Variants in ARHGAP8 observed in about 807,000 individuals in gnomAD.
ARHGAP8 encodes Rho GTPase activating protein 8, also known as rho GTPase-activating protein 8.
ARHGAP8 carries 62 observed loss-of-function variants against 46.1 expected under a neutral mutation model. That is an observed-to-expected ratio of 1.34 (90% confidence interval 1.10 to 1.66). The LOEUF is 1.66. ARHGAP8 is among the 40% of genes most tolerant of loss of function. The pLI is 0.00. For missense variants in ARHGAP8, 923 were observed against 568.4 expected, an observed-to-expected ratio of 1.62 and a Z score of -6.34; for synonymous variants, 375 against 243.1, an observed-to-expected ratio of 1.54 and a Z score of -5.05.
chr22:44,832,918 G>A (rs1931043073), intron 7 of ARHGAP8, among the ~76,000 whole-genome samples: 2 of 151,672 alleles, frequency 1.3e-5, no homozygotes. Context: ...CTTGAGGCCG[G>A]GAGTTCAAGA....
At chr22:44,796,638 TATG>T (rs1602188109) in intron 2 of ARHGAP8, among the ~76,000 whole-genome samples, 5 of 152,080 alleles carry the variant, frequency 3.3e-5, no homozygotes, top group African/African-American at 1.2e-4. Context: ...TTGGTGATGC[TATG>T]ATGATGGGCC....
chr22:44,769,683 C>T (rs766641734), intron 1 of ARHGAP8, among the ~76,000 whole-genome samples: 2 of 152,062 alleles, frequency 1.3e-5, no homozygotes, highest in Non-Finnish European at 2.9e-5. Context: ...CTTTTGTTCT[C>T]TCTCTCAGTA....
Position 44,862,551 on chromosome 22 carries a change from A to T in ARHGAP8, c.1258A>T (p.Thr420Ser). The change falls in exon 12 of 12, where the codon ACC becomes TCC. Residue 420 changes from threonine to serine, a missense_variant. Transcript: ENST00000356099. ...ACAAGCCACGGGCCTCACCAAGCCT[A>T]CCCTACCTCCGAGTCCCCTGATGGC... is the stretch of plus-strand genomic sequence containing the variant. ...RTQATGLTKPTLPPSPLMAAR... is the reference protein window; with the variant it reads ...RTQATGLTKPSLPPSPLMAAR... 6.2e-7 allele frequency: 1 copy of T among 1,601,108 alleles called. No individual in the cohort carries two copies. The highest frequency in any genetic ancestry group is 8.5e-7 in the Non-Finnish European group (1 of 1,170,064).
rs779829700 is a variant in ARHGAP8, at chr22:44,802,097, C to G, written c.100C>G (p.Arg34Gly). The change falls in exon 3 of 12, where the codon CGT becomes GGT. Residue 34 changes from arginine (R) to glycine (G), a missense_variant. Coordinates refer to ENST00000356099, the MANE Select transcript of ARHGAP8 (RefSeq NM_181335.3). ...TCCAGGGGATGACCGCTTTGGAAGA[C>G]GTGTTGTCACGTTCAGCTGCTGCCG... ...QVAGDDRFGR[R>G]VVTFSCCRMP... 1 of 1,614,158 alleles carries G rather than the reference C, an allele frequency of 6.2e-7. No homozygotes were observed. Among genetic ancestry groups the G allele is most frequent in the South Asian group, 1.1e-5 (1 of 91,082 alleles).
chr22:44,860,904 A>C (rs1388615421), intron 11 of ARHGAP8, among the ~76,000 whole-genome samples: 1 of 152,118 alleles, frequency 6.6e-6, no homozygotes, highest in Non-Finnish European at 1.5e-5. Flanking sequence ...GTCACATCCC[A>C]GAGTCTGTTG....
intron 2 of ARHGAP8, among the ~76,000 whole-genome samples, chr22:44,791,259 G>C (rs1028412484): frequency 1.3e-5 from 2 of 152,176 alleles, no homozygotes; most frequent in African/African-American, 4.8e-5. Context: ...GCTGGGGTGT[G>C]TGCTCCTCCC....
chr22:44,838,383 A>G (rs1185470545), intron 7 of ARHGAP8, among the ~76,000 whole-genome samples: 2 of 152,060 alleles, frequency 1.3e-5, no homozygotes, highest in African/African-American at 2.4e-5. Context: ...TGATCTGCCC[A>G]TGTCTGCCTC....
At chr22:44,787,047 A>AAAAAAAAAAAAAAAAC (rs796358176) in intron 2 of ARHGAP8, among the ~76,000 whole-genome samples, 13 of 145,548 alleles carry the variant, frequency 8.9e-5, no homozygotes, top group South Asian at 2.2e-4. Context: ...CAAAAAAAAA[A>AAAAAAAAAAAAAAAAC]AAAAGAAAGA....
chr22:44,794,469 G>C (rs1040883389), intron 2 of ARHGAP8, among the ~76,000 whole-genome samples: 45 of 152,030 alleles, frequency 3.0e-4, no homozygotes, highest in African/African-American at 1.0e-3. Context: ...CCAGCACTTT[G>C]GGAGGCCGAG....
intron 7 of ARHGAP8, among the ~76,000 whole-genome samples, chr22:44,833,428 C>T (rs1347264476): frequency 6.6e-6 from 1 of 152,092 alleles, no homozygotes. Flanking sequence ...GAGATAATCA[C>T]ATGGCTTTTG....
intron 6 of ARHGAP8, among the ~76,000 whole-genome samples, chr22:44,824,833 A>G (rs1337909768): frequency 6.6e-6 from 1 of 151,634 alleles, no homozygotes. Context: ...GGGTTTCATC[A>G]TGTTGGCCGG....
intron 10 of ARHGAP8, among the ~76,000 whole-genome samples, chr22:44,857,320 C>G (rs1160104778): frequency 6.6e-6 from 1 of 152,156 alleles, no homozygotes; most frequent in Non-Finnish European, 1.5e-5. Flanking sequence ...GTGAGGTGTT[C>G]CAGCCAAGGG....
In ARHGAP8 at chr22:44,833,059, C is replaced by G. The variant is rs183140543; in HGVS notation, c.596+7466C>G. Among the ~76,000 whole-genome samples the G allele has an allele frequency of 2.7e-5, 4 of 150,070 alleles. No homozygotes were observed. The East Asian group carries it at 5.8e-4, about 22-fold the overall frequency. ...TGTGCATTTCATAGATGCCCTTTAT[C>G]AGGTTAAGAACCATCTTTTTTCTTT... On this transcript the variant is annotated intron_variant, in intron 7 of 11. Transcript: ENST00000356099.
chr22:44,809,076 C>T lies in ARHGAP8; in HGVS notation c.299+638C>T, dbSNP rs1028943894. On this transcript the variant is annotated intron_variant, in intron 4 of 11. Transcript: ENST00000356099. ...GCTCAAGCGATCCTCCCACCTCAGCCTCCCAAAGTACTGGGATTACAGGCA... is the reference window on the plus strand; with the variant it reads ...GCTCAAGCGATCCTCCCACCTCAGCTTCCCAAAGTACTGGGATTACAGGCA... 2.4e-5 allele frequency: 11 copies of T among 467,148 alleles called. No homozygotes were observed. In the Admixed American group the frequency reaches 2.6e-4, roughly 11 times the overall value. 28.9% of individuals were successfully genotyped at this position (467,148 alleles called of 1,614,324 possible).
chr22:44,772,056 A>C (rs1158962524), intron 1 of ARHGAP8, among the ~76,000 whole-genome samples: 1 of 151,950 alleles, frequency 6.6e-6, no homozygotes, highest in Non-Finnish European at 1.5e-5. Flanking sequence ...GTTGCTCTCT[A>C]CATGGTTTAA....
chr22:44,860,499 T>C (rs1236217454), intron 11 of ARHGAP8, among the ~76,000 whole-genome samples: 1 of 151,830 alleles, frequency 6.6e-6, no homozygotes, highest in Non-Finnish European at 1.5e-5. Flanking sequence ...CATATGTCAC[T>C]GGGTTTAGGA....
At chr22:44,847,617 C>T (rs1333671342) in intron 8 of ARHGAP8, among the ~76,000 whole-genome samples, 1 of 152,228 alleles carries the variant, frequency 6.6e-6, no homozygotes, top group African/African-American at 2.4e-5. Flanking sequence ...ATCACCGTGT[C>T]CAGTCCTCTC....
rs141932857 is a variant in ARHGAP8 at position 44,760,240 on chromosome 22, C to T, written c.-72+7613C>T. On this transcript the variant is annotated intron_variant, in intron 1 of 11. Transcript: ENST00000356099. ...ACTGGGTAGTGAGGGTCTGTATTAA[C>T]GAATTCATGCATAGCTGAGACAAAA... Among the ~76,000 whole-genome samples, 1,139 of 152,248 alleles carry T rather than the reference C, an allele frequency of 7.5e-3. 10 individuals carry two copies. Among genetic ancestry groups the T allele is most frequent in the African/African-American group, 0.026 (1,095 of 41,532 alleles).
intron 5 of ARHGAP8, among the ~76,000 whole-genome samples, chr22:44,818,108 T>G (rs1435783900): frequency 1.4e-5 from 2 of 147,816 alleles, no homozygotes; most frequent in African/African-American, 5.0e-5. Flanking sequence ...AGTCAGACTT[T>G]GTTGTACTTA....
Sources: gnomAD v4.1 joint callset for allele counts (sites outside exome capture counted in the v4.1 genomes callset) on GRCh38, gnomAD v4.1.1 for gene constraint, MANE v1.5 for transcripts, NCBI Gene and HGNC (gene_info 2026-07-23, HGNC 2026-07-21) for gene names.